Variants in ARHGEF28 observed in about 807,000 individuals in gnomAD.
ARHGEF28 encodes 190 kDa guanine nucleotide exchange factor.
Under a neutral mutation model 206.6 loss-of-function variants are expected in ARHGEF28, and 152 were observed. The observed-to-expected ratio is 0.74, with a 90% CI of 0.64 to 0.84. ARHGEF28 has a LOEUF of 0.84. Among genes scored for constraint, ARHGEF28 ranks in the 40% least tolerant of loss-of-function variants. The probability of loss-of-function intolerance (pLI) is 0.00; values close to 1 mark genes in which losing one functional copy is unlikely to be tolerated. For missense variants in ARHGEF28, 2,028 were observed against 2,073.2 expected (o/e 0.98, Z 0.42); for synonymous variants, 763 against 776.4 (o/e 0.98, Z 0.29).
At chr5:73,889,758 G>A (rs930091490) in intron 26 of ARHGEF28, among the ~76,000 whole-genome samples, 2 of 152,288 alleles carry the variant, frequency 1.3e-5, no homozygotes, top group East Asian at 1.9e-4. Flanking sequence ...AATGTGATAG[G>A]GTCAGAAGCA....
At chr5:73,632,419 C>A (rs115845216) in intron 1 of ARHGEF28, among the ~76,000 whole-genome samples, 172 of 152,276 alleles carry the variant, frequency 1.1e-3, no homozygotes, top group African/African-American at 3.9e-3. Flanking sequence ...CCCTGCATGG[C>A]CTATCTCCAA....
At chr5:73,940,381 A>G (rs1742526989) in intron 35 of ARHGEF28, among the ~76,000 whole-genome samples, 1 of 151,996 alleles carries the variant, frequency 6.6e-6, no homozygotes, top group Non-Finnish European at 1.5e-5. Flanking sequence ...TCATTCTTTC[A>G]CTTTTTACCC....
intron 29 of ARHGEF28, among the ~76,000 whole-genome samples, chr5:73,897,355 C>T (rs1762016477): frequency 6.6e-6 from 1 of 152,146 alleles, no homozygotes; most frequent in African/African-American, 2.4e-5. Context: ...TTGTCAAATG[C>T]CCAATATCCC....
chr5:73,773,530 G>C (rs868652163), intron 4 of ARHGEF28, among the ~76,000 whole-genome samples: 2 of 152,094 alleles, frequency 1.3e-5, no homozygotes, highest in South Asian at 2.1e-4. Flanking sequence ...TCCAAAGGAT[G>C]GTCCTTTCCT....
At chr5:73,873,324 G>C in intron 22 of ARHGEF28, 78 bp downstream of exon 22, 1 of 1,466,444 alleles carries the variant, frequency 6.8e-7, no homozygotes, top group Non-Finnish European at 9.1e-7. Context: ...ATCAACAAGA[G>C]TAAAAAAAAT....
chr5:73,730,303 T>G (rs1162486409), intron 2 of ARHGEF28, among the ~76,000 whole-genome samples: 1 of 152,164 alleles, frequency 6.6e-6, no homozygotes. Flanking sequence ...GTAAAAATGC[T>G]TCTTCCCCTG....
chr5:73,869,063 A>G (rs2931418), intron 20 of ARHGEF28, among the ~76,000 whole-genome samples: 43,402 of 151,948 alleles, frequency 0.29, 6,597 homozygotes, highest in Admixed American at 0.39. Context: ...GTAGTGACAA[A>G]AGAGAGGAGT....
At chr5:73,752,214 T>C (rs563201146) in intron 3 of ARHGEF28, among the ~76,000 whole-genome samples, 5 of 152,246 alleles carry the variant, frequency 3.3e-5, no homozygotes, top group South Asian at 2.1e-4. Context: ...TTCCCAGCTC[T>C]GGCAAAATAA....
intron 35 of ARHGEF28, among the ~76,000 whole-genome samples, chr5:73,939,650 TGGCAAGGCCACCATGTC>T (rs764669221): frequency 6.6e-6 from 1 of 152,188 alleles, no homozygotes; most frequent in Non-Finnish European, 1.5e-5. Context: ...AAATGAGGTG[TGGCAAGGCCACCATGTC>T]CCCAAAGATG....
intron 10 of ARHGEF28, among the ~76,000 whole-genome samples, chr5:73,834,542 CTG>C (rs34258155): frequency 0.045 from 6,520 of 146,054 alleles, 152 homozygotes; most frequent in Middle Eastern, 0.049. Context: ...AATAATATTC[CTG>C]TGTGTGTGTG....
At chr5:73,817,807 C>T (rs949866593) in intron 9 of ARHGEF28, among the ~76,000 whole-genome samples, 16 of 152,018 alleles carry the variant, frequency 1.1e-4, no homozygotes, top group Admixed American at 2.0e-4. Context: ...CTCTTAGTAG[C>T]GGTAAGGGAT....
intron 7 of ARHGEF28, 132 bp from the exon 8 acceptor site, chr5:73,794,270 G>A: frequency 1.5e-6 from 1 of 649,176 alleles, no homozygotes; most frequent in Non-Finnish European, 2.6e-6. Flanking sequence ...TGATTTTTAA[G>A]AGGCCTAATC....
chr5:73,754,183 C>T (rs970901225), intron 4 of ARHGEF28, among the ~76,000 whole-genome samples: 1 of 152,090 alleles, frequency 6.6e-6, no homozygotes, highest in Non-Finnish European at 1.5e-5. Flanking sequence ...TAAATTCGAT[C>T]ATGGATGAGA....
chr5:73,656,852 C>T (rs937548134), intron 1 of ARHGEF28, among the ~76,000 whole-genome samples: 2 of 152,116 alleles, frequency 1.3e-5, no homozygotes, highest in Admixed American at 6.6e-5. Context: ...TGCAGACATA[C>T]TGGCCTTCTT....
chr5:73,648,857 T>G (rs1744611656), intron 1 of ARHGEF28, among the ~76,000 whole-genome samples: 1 of 152,148 alleles, frequency 6.6e-6, no homozygotes, highest in South Asian at 2.1e-4. Flanking sequence ...AACAGAAACT[T>G]CACTTCTCCT....
At chr5:73,903,596 C>A (rs1382990448) in intron 31 of ARHGEF28, 1 of 153,430 alleles carries the variant, frequency 6.5e-6, no homozygotes, top group Non-Finnish European at 1.5e-5. Context: ...CAGACGGTCT[C>A]CTGTGGCTGG....
intron 4 of ARHGEF28, among the ~76,000 whole-genome samples, chr5:73,762,286 T>A (rs1227656150): frequency 6.6e-6 from 1 of 151,670 alleles, no homozygotes; most frequent in African/African-American, 2.4e-5. Flanking sequence ...TGAAACCGTG[T>A]CTTTACTAAA....
intron 33 of ARHGEF28, among the ~76,000 whole-genome samples, chr5:73,907,104 CTT>C (rs1385757368): frequency 6.6e-6 from 1 of 152,110 alleles, no homozygotes; most frequent in African/African-American, 2.4e-5. Context: ...CTTTTAGTGT[CTT>C]AGGTTAGATG....
intron 2 of ARHGEF28, among the ~76,000 whole-genome samples, chr5:73,744,310 A>G (rs1477571095): frequency 6.6e-6 from 1 of 152,160 alleles, no homozygotes; most frequent in East Asian, 1.9e-4. Context: ...ATGCTATTGT[A>G]CTTGAGAAAT....
Sources: gnomAD v4.1 joint callset for allele counts (sites outside exome capture counted in the v4.1 genomes callset) on GRCh38, gnomAD v4.1.1 for gene constraint, MANE v1.5 for transcripts, NCBI Gene and HGNC (gene_info 2026-07-23, HGNC 2026-07-21) for gene names.